Variants in EDIL3 observed in about 807,000 individuals in gnomAD.
EDIL3 encodes the protein EGF like and discoidin domains 3.
In EDIL3, 37 loss-of-function variants were observed where a neutral mutation model predicts 67.4. The observed-to-expected ratio is 0.55, with a 90% CI of 0.42 to 0.72. The LOEUF is 0.72. Ranked by LOEUF, EDIL3 falls within the 30% of genes least tolerant of loss-of-function variation. The pLI is 0.00. For synonymous variants in EDIL3, 195 were observed against 196.3 expected (o/e 0.99, Z 0.05); for missense variants, 527 against 586.3 (o/e 0.90, Z 1.04).
chr5:84,268,301 T>G (rs780133331), intron 1 of EDIL3, among the ~76,000 whole-genome samples: 2 of 152,150 alleles, frequency 1.3e-5, no homozygotes, highest in Non-Finnish European at 2.9e-5. Context: ...CTTTTTTTCC[T>G]GTTGTGAATG....
At chr5:84,086,091 T>TGAGCCA (rs1747064357) in intron 6 of EDIL3, among the ~76,000 whole-genome samples, 7 of 152,200 alleles carry the variant, frequency 4.6e-5, no homozygotes, top group Non-Finnish European at 7.3e-5. Context: ...CTCAGCTTGT[T>TGAGCCA]GGGCTCCATG....
intron 9 of EDIL3, among the ~76,000 whole-genome samples, chr5:83,993,980 AT>A (rs1745193712): frequency 6.6e-6 from 1 of 152,116 alleles, no homozygotes; most frequent in African/African-American, 2.4e-5. Flanking sequence ...ATCCTGCTTC[AT>A]TTTTTGGCCA....
At chr5:84,045,490 A>T (rs1746205505) in intron 9 of EDIL3, among the ~76,000 whole-genome samples, 1 of 152,170 alleles carries the variant, frequency 6.6e-6, no homozygotes, top group Non-Finnish European at 1.5e-5. Context: ...TGGCTTTAAT[A>T]CTAAGGTCAC....
chr5:84,115,092 G>A (rs1747641612), intron 5 of EDIL3, among the ~76,000 whole-genome samples: 1 of 152,100 alleles, frequency 6.6e-6, no homozygotes, highest in African/African-American at 2.4e-5. Flanking sequence ...TTTGAAGGTG[G>A]ATTAGTCCTC....
chr5:84,363,235 G>T (rs1398528970), intron 1 of EDIL3, among the ~76,000 whole-genome samples: 2 of 151,918 alleles, frequency 1.3e-5, no homozygotes, highest in East Asian at 1.9e-4. Context: ...GAGGCAGGTC[G>T]ATCAGGAGGT....
intron 4 of EDIL3, among the ~76,000 whole-genome samples, chr5:84,162,766 A>G (rs903690189): frequency 2.0e-5 from 3 of 152,060 alleles, no homozygotes; most frequent in South Asian, 2.1e-4. Context: ...TTTCCCTGCC[A>G]TATTCTAGAA....
At chr5:84,053,912 T>G (rs1228026167) in intron 9 of EDIL3, among the ~76,000 whole-genome samples, 1 of 152,108 alleles carries the variant, frequency 6.6e-6, no homozygotes. Flanking sequence ...CTTCTGAAAC[T>G]ATTCCAATCA....
At chr5:84,118,943 G>T (rs1330721096) in intron 5 of EDIL3, among the ~76,000 whole-genome samples, 1 of 152,048 alleles carries the variant, frequency 6.6e-6, no homozygotes, top group African/African-American at 2.4e-5. Context: ...AACTGTGCTG[G>T]TTAATAATGT....
At chr5:83,986,140 A>C (rs1328841026) in intron 9 of EDIL3, among the ~76,000 whole-genome samples, 1 of 152,150 alleles carries the variant, frequency 6.6e-6, no homozygotes, top group African/African-American at 2.4e-5. Context: ...CTAATAAATA[A>C]AAAGGATATA....
intron 1 of EDIL3, among the ~76,000 whole-genome samples, chr5:84,309,117 C>T (rs1029506296): frequency 6.6e-6 from 1 of 152,122 alleles, no homozygotes; most frequent in Non-Finnish European, 1.5e-5. Context: ...AACTTTAAAG[C>T]TCAAACTCCT....
intron 3 of EDIL3, among the ~76,000 whole-genome samples, chr5:84,220,114 T>A (rs1744312182): frequency 6.6e-6 from 1 of 152,178 alleles, no homozygotes; most frequent in African/African-American, 2.4e-5. Flanking sequence ...AGAGTATAAT[T>A]GGATCATTTC....
At chr5:84,172,458 T>G (rs573361275) in intron 4 of EDIL3, among the ~76,000 whole-genome samples, 1 of 152,120 alleles carries the variant, frequency 6.6e-6, no homozygotes, top group South Asian at 2.1e-4. Context: ...GGCATGCCTA[T>G]GGTCCCAGCT....
chr5:84,239,413 T>A (rs1744750144), intron 2 of EDIL3, among the ~76,000 whole-genome samples: 1 of 152,182 alleles, frequency 6.6e-6, no homozygotes, highest in Admixed American at 6.5e-5. Flanking sequence ...AGAATTAATT[T>A]CCTTTCCTTC....
At chr5:84,363,421 G>A (rs923304186) in intron 1 of EDIL3, among the ~76,000 whole-genome samples, 1 of 149,304 alleles carries the variant, frequency 6.7e-6, no homozygotes, top group Non-Finnish European at 1.5e-5. Context: ...CTGCACTCTA[G>A]CCTGGTGACT....
intron 1 of EDIL3, among the ~76,000 whole-genome samples, chr5:84,287,329 G>T (rs2112114087): frequency 6.6e-6 from 1 of 152,236 alleles, no homozygotes; most frequent in African/African-American, 2.4e-5. Context: ...TAAGATGTGG[G>T]TATTTCTCTT....
At chr5:84,285,378 AT>A (rs1329711681) in intron 1 of EDIL3, among the ~76,000 whole-genome samples, 5 of 152,178 alleles carry the variant, frequency 3.3e-5, no homozygotes, top group African/African-American at 1.2e-4. Flanking sequence ...CTACATATTG[AT>A]TTGCTAATCT....
At chr5:84,379,964 G>A (rs1456320927) in intron 1 of EDIL3, among the ~76,000 whole-genome samples, 1 of 151,836 alleles carries the variant, frequency 6.6e-6, no homozygotes, top group African/African-American at 2.4e-5. Context: ...GTTGATTCTA[G>A]TCTACTTTTC....
chr5:84,039,549 A>G (rs1400862099), intron 9 of EDIL3, among the ~76,000 whole-genome samples: 1 of 152,240 alleles, frequency 6.6e-6, no homozygotes, highest in African/African-American at 2.4e-5. Flanking sequence ...ACAGATGAGC[A>G]GTCTGCTAAA....
chr5:84,312,224 G>T (rs1200135524), intron 1 of EDIL3, among the ~76,000 whole-genome samples: 1 of 145,980 alleles, frequency 6.9e-6, no homozygotes, highest in Admixed American at 6.7e-5. Flanking sequence ...GGGGCGGCTG[G>T]CCGGGTGGGG....
Sources: gnomAD v4.1 joint callset for allele counts (sites outside exome capture counted in the v4.1 genomes callset) on GRCh38, gnomAD v4.1.1 for gene constraint, MANE v1.5 for transcripts, NCBI Gene and HGNC (gene_info 2026-07-23, HGNC 2026-07-21) for gene names.